PLEC: variants seen among roughly 807,000 people sequenced by gnomAD.
PLEC encodes the protein hemidesmosomal protein 1.
Under a neutral mutation model 392.8 loss-of-function variants are expected in PLEC, and 216 were observed. That is an observed-to-expected ratio of 0.55 (90% CI 0.49 to 0.62). PLEC has a LOEUF of 0.62. Among genes scored for constraint, PLEC ranks in the 20% least tolerant of loss-of-function variants. The pLI, the probability that PLEC is intolerant of heterozygous loss-of-function variation, is 0.00. For synonymous variants in PLEC, 3,621 were observed against 2,980.6 expected, an observed-to-expected ratio of 1.21 and a Z score of -7.00; for missense variants, 6,863 against 6,563.4, an observed-to-expected ratio of 1.05 and a Z score of -1.58.
Position 143,923,223 on chromosome 8 carries a change from G to A in PLEC, c.6706C>T (p.Gln2236Ter). Reference protein sequence around the residue: ...VEEELFSVRVQMEELSKLKAR... With the variant: ...VEEELFSVRV ...TTGAGCTTGCTCAGCTCCTCCATCT[G>A]CACGCGCACCGAGAAGAGCTCCTCC... The change falls in exon 31 of 32, where the codon CAG becomes TAG. Residue 2236 changes from glutamine to a stop codon, truncating the protein, a stop_gained. Coordinates refer to ENST00000345136, the MANE Select transcript of PLEC (RefSeq NM_201384.3). LOFTEE classifies it high-confidence loss of function. The A allele has an allele frequency of 6.2e-7, 1 of 1,603,320 alleles. No homozygotes were observed. Among genetic ancestry groups the A allele is most frequent in the Admixed American group, 1.7e-5 (1 of 60,010 alleles).
At chr8:143,939,223 G>GC (rs1296098761) in intron 1 of PLEC, 127 bp downstream of exon 1, 1 of 1,299,434 alleles carries the variant, frequency 7.7e-7, no homozygotes, top group Non-Finnish European at 1.1e-6. Context: ...GGGATGGCTG[G>GC]CCCCCGACCC....
chr8:143,919,204 G>A lies in PLEC; in HGVS notation c.10617C>T (p.Arg3539=), dbSNP rs782493051. 3.0e-5 allele frequency: 49 copies of A among 1,613,760 alleles called. No individual in the cohort carries two copies. The highest frequency in any genetic ancestry group is 4.2e-5 in the Non-Finnish European group (49 of 1,180,020). ...TCTCCGCCCCTTTCAGTGGCAGAAG[G>A]CGCAAGCCCGTCTCGGGGTCCTCCA... ...RCVEDPETGL[R]LLPLKGAEKA... Residue 3539 remains arginine (R), a synonymous_variant, in exon 32 of 32, where the codon CGC becomes CGT. Transcript: ENST00000345136.
intron 1 of PLEC, among the ~76,000 whole-genome samples, chr8:143,970,319 A>AGG (rs1485925743): frequency 6.6e-6 from 1 of 150,958 alleles, no homozygotes; most frequent in Non-Finnish European, 1.5e-5. Context: ...AAAATCAAGC[A>AGG]GGGTGGAAGT....
Position 143,921,942 on chromosome 8 carries a change from G to T in PLEC, c.7879C>A (p.Pro2627Thr). The change falls in exon 32 of 32, where the codon CCC becomes ACC. Residue 2627 changes from proline to threonine, a missense_variant. By Grantham distance (38) the Pro-to-Thr change is conservative. Transcript: ENST00000345136. ...ASQVAATKTL[P>T]NGRDALDGPA... ...CCATCAAGTGCATCCCGGCCATTGGGCAGGGTCTTTGTGGCAGCCACCTGC... is the reference window on the plus strand; with the variant it reads ...CCATCAAGTGCATCCCGGCCATTGGTCAGGGTCTTTGTGGCAGCCACCTGC... 1 of 1,599,316 alleles carries T rather than the reference G, an allele frequency of 6.3e-7. No individual in the cohort carries two copies. Among genetic ancestry groups the T allele is most frequent in the Non-Finnish European group, 8.5e-7 (1 of 1,179,812 alleles).
upstream of PLEC, chr8:143,975,041 G>C (rs961365680): frequency 3.9e-5 from 38 of 980,584 alleles, no homozygotes; most frequent in Admixed American, 2.4e-4. The surrounding 1 kb of genome is among the most constrained non-coding windows in gnomAD (Gnocchi z 9.9). Context: ...CACCTGGGAC[G>C]CGCGAGGCCC....
intron 1 of PLEC, among the ~76,000 whole-genome samples, chr8:143,967,145 C>T (rs573689141): frequency 3.3e-5 from 5 of 151,708 alleles, no homozygotes; most frequent in South Asian, 2.1e-4. Context: ...GGGCAGATCA[C>T]GAGGTCAGGA....
At position 143,924,468 on chromosome 8, in the gene PLEC, C is replaced by T. The variant is rs782659674; in HGVS notation, c.5461G>A (p.Glu1821Lys). 31 of 1,544,976 alleles carry T rather than the reference C, an allele frequency of 2.0e-5. No individual in the cohort carries two copies. The highest frequency in any genetic ancestry group is 2.4e-5 in the Non-Finnish European group (28 of 1,154,832). The part of the protein sequence containing the change: ...EEAKRQRQLA[E>K]EDAARQRAEA... The stretch of plus-strand genomic sequence containing the variant: ...GCCCGCTGCCGCGCCGCGTCTTCCT[C>T]GGCCAGCTGCCGCTGCCGCTTGGCC... The change falls in exon 31 of 32, where the codon GAG becomes AAG. Residue 1821 changes from glutamate (E) to lysine (K), a missense_variant. Glu to Lys is a moderately conservative substitution (Grantham distance 56, BLOSUM62 1). Coordinates refer to ENST00000345136, the MANE Select transcript of PLEC (RefSeq NM_201384.3).
rs371673069 is a variant in PLEC, at chr8:143,922,546, C to A, written c.7383G>T (p.Lys2461Asn). The A allele has an allele frequency of 1.4e-4, 227 of 1,612,850 alleles. No individual in the cohort carries two copies. Among genetic ancestry groups the A allele is most frequent in the Middle Eastern group, 9.9e-4 (6 of 6,056 alleles). ...AIAELEREKE[K>N]LQQEAKLLQL... ...GCAGCAGTTTGGCCTCCTGTTGGAG[C>A]TTCTCCTTCTCACGCTCCAGCTCAG... The change falls in exon 31 of 32, where the codon AAG (lysine) becomes AAT (asparagine). Residue 2461 changes from lysine (K) to asparagine (N), a missense_variant. By Grantham distance (94) the Lys-to-Asn change is moderately conservative (BLOSUM62 0). Transcript: ENST00000345136.
At position 143,973,289 on chromosome 8, in the gene PLEC, C is replaced by T; in HGVS notation, c.70+114G>A. ...TGGGGGCGATCCAGGCGGACGAGGC[C>T]GGCGGAGTGGCCGCGCTCGGGCCGG... On this transcript the variant is annotated intron_variant, in intron 1 of 31. Transcript: ENST00000356346. This position sits in a 1 kb window ranked among gnomAD's most constrained non-coding sequence, Gnocchi z 5.6. 7.5e-7 allele frequency: 1 copy of T among 1,339,084 alleles called. No individual in the cohort carries two copies. Among genetic ancestry groups the T allele is most frequent in the Admixed American group, 2.1e-5 (1 of 47,358 alleles). 83.0% of individuals were successfully genotyped at this position (1,339,084 alleles called of 1,614,324 possible). A position where few individuals can be genotyped will look rare whatever the true frequency, so the allele number is the denominator to read the frequency against.
In PLEC at chr8:143,973,493, G is replaced by A. The variant is rs781938235; in HGVS notation, c.-21C>T. 3 of 1,490,408 alleles carry A rather than the reference G, an allele frequency of 2.0e-6. No individual in the cohort carries two copies. 92.3% of individuals were successfully genotyped at this position (1,490,408 alleles called of 1,614,324 possible). A position where few individuals can be genotyped will look rare whatever the true frequency, so the allele number is the denominator to read the frequency against. ...GCCATGCCGGCGGGCGCGGGGCGCG[G>A]GGTGCAGCGGAGCCTCCAGCACCCG... is the stretch of plus-strand genomic sequence containing the variant. On this transcript the variant is annotated 5_prime_UTR_variant, in exon 1 of 32. Coordinates refer to the PLEC transcript ENST00000356346. This position sits in a 1 kb window ranked among gnomAD's most constrained non-coding sequence, Gnocchi z 5.6.
At chr8:143,959,888 C>G (rs1422405089) in intron 1 of PLEC, among the ~76,000 whole-genome samples, 3 of 152,070 alleles carry the variant, frequency 2.0e-5, no homozygotes, top group Non-Finnish European at 2.9e-5. Context: ...CCCAGCTACT[C>G]AGGAGGCTGA....
At chr8:143,943,513 TG>T (rs1350148417), upstream of PLEC, among the ~76,000 whole-genome samples, 3 of 152,144 alleles carry the variant, frequency 2.0e-5, no homozygotes, top group African/African-American at 4.8e-5. Context: ...TCCCTTCGTG[TG>T]GGGGACGCTC....
upstream of PLEC, among the ~76,000 whole-genome samples, chr8:143,954,115 C>T (rs1554738458): frequency 6.6e-6 from 1 of 151,830 alleles, no homozygotes; most frequent in Non-Finnish European, 1.5e-5. This position sits in a 1 kb window ranked among gnomAD's most constrained non-coding sequence, Gnocchi z 4.6. Flanking sequence ...CCCCCGAGTC[C>T]ACTGCAACGA....
chr8:143,923,171 G>C lies in PLEC; in HGVS notation c.6758C>G (p.Ala2253Gly). Reference sequence around the variant, plus strand: ...ATTGTCCTTGTCACGCAAGATGAGTGCGCGGTTCTCAGCCTCGATGCGTGC... The same window carrying C: ...ATTGTCCTTGTCACGCAAGATGAGTCCGCGGTTCTCAGCCTCGATGCGTGC... ...LKARIEAENR[A>G]LILRDKDNTQ... The change falls in exon 31 of 32, where the codon GCA becomes GGA. Residue 2253 changes from alanine to glycine, a missense_variant. Coordinates refer to ENST00000345136, the MANE Select transcript of PLEC (RefSeq NM_201384.3). The C allele has an allele frequency of 1.2e-6, 2 of 1,602,548 alleles. No individual in the cohort carries two copies. Among genetic ancestry groups the C allele is most frequent in the African/African-American group, 1.3e-5 (1 of 75,024 alleles).
At chr8:143,943,719 G>T, upstream of PLEC, 1 of 1,489,410 alleles carries the variant, frequency 6.7e-7, no homozygotes. Context: ...ATGAAGGGGC[G>T]GGAGGCAGGC....
intron 31 of PLEC, 31 bp from the exon 32 acceptor site, chr8:143,922,426 G>C (rs781785839): frequency 6.2e-7 from 1 of 1,600,366 alleles, no homozygotes; most frequent in Non-Finnish European, 8.5e-7. Flanking sequence ...ATCAGGGACC[G>C]CCAGCCCAGG....
At chr8:143,952,336 C>T (rs1342785066), upstream of PLEC, among the ~76,000 whole-genome samples, 1 of 152,212 alleles carries the variant, frequency 6.6e-6, no homozygotes, top group African/African-American at 2.4e-5. Flanking sequence ...GCATGGCTCT[C>T]CCTCCCTCTG....
In PLEC at chr8:143,916,124, C is replaced by G; in HGVS notation, c.*53G>C. The G allele has an allele frequency of 7.1e-7, 1 of 1,410,142 alleles. No homozygotes were observed. Among genetic ancestry groups the G allele is most frequent in the South Asian group, 1.4e-5 (1 of 70,214 alleles). The allele number at this position is 1,410,142 out of a possible 1,614,324, so 87.4% of individuals were successfully genotyped here. A position where few individuals can be genotyped will look rare whatever the true frequency, so the allele number is the denominator to read the frequency against. On this transcript the variant is annotated 3_prime_UTR_variant, in exon 32 of 32. Coordinates refer to ENST00000345136, the MANE Select transcript of PLEC (RefSeq NM_201384.3). ...TAAGCGTTGAAAACGGCCCCCGCGC[C>G]TCGGTGGGAGCCGGGCTGGGCCGCA... is the stretch of plus-strand genomic sequence containing the variant.
In PLEC at chr8:143,927,516, T is replaced by C; in HGVS notation, c.3650A>G (p.Asp1217Gly). 3 of 1,597,358 alleles carry C rather than the reference T, an allele frequency of 1.9e-6. No homozygotes were observed. Among genetic ancestry groups the C allele is most frequent in the South Asian group, 1.1e-5 (1 of 90,964 alleles). The change falls in exon 27 of 32, where the codon GAC becomes GGC. Residue 1217 changes from aspartate (D) to glycine (G), a missense_variant. Asp to Gly is a moderately conservative substitution (Grantham distance 94). Coordinates refer to ENST00000345136, the MANE Select transcript of PLEC (RefSeq NM_201384.3). Reference sequence around the variant, plus strand: ...GTCCTGCAGCCAGGCGCCCAAGGGGTCTGCACTCTCGCGGTAGTAACGCAG... The same window carrying C: ...GTCCTGCAGCCAGGCGCCCAAGGGGCCTGCACTCTCGCGGTAGTAACGCAG... ...RQLRYYRESA[D>G]PLGAWLQDAR...
Sources: allele counts gnomAD v4.1 joint callset (sites outside exome capture counted in the v4.1 genomes callset), GRCh38; gene constraint gnomAD v4.1.1; non-coding constraint Gnocchi (gnomAD v3.1); transcripts MANE v1.5; gene names NCBI Gene and HGNC (gene_info 2026-07-23, HGNC 2026-07-21).